Variants in ERC2 observed in about 807,000 individuals in gnomAD.
ERC2 encodes ELKS/RAB6-interacting/CAST family member 2, also known as ERC protein 2.
Under a neutral mutation model 114.8 loss-of-function variants are expected in ERC2, and 42 were observed. The observed-to-expected ratio is 0.37, with a 90% CI of 0.29 to 0.47. The LOEUF (loss-of-function observed/expected upper bound fraction) is 0.47, where lower values mean the gene tolerates loss of function less well. Ranked by LOEUF, ERC2 falls within the 20% of genes least tolerant of loss-of-function variation. ERC2 has a pLI of 0.99. For missense variants in ERC2, 939 were observed against 1,150.7 expected (o/e 0.82, Z 2.66); for synonymous variants, 454 against 425.5 (o/e 1.07, Z -0.82).
At chr3:55,632,355 C>T (rs2059790992) in intron 17 of ERC2, among the ~76,000 whole-genome samples, 1 of 152,110 alleles carries the variant, frequency 6.6e-6, no homozygotes, top group Non-Finnish European at 1.5e-5. Flanking sequence ...GCAAGGAGGC[C>T]CAGGGTACCA....
intron 4 of ERC2, among the ~76,000 whole-genome samples, chr3:56,159,472 T>C (rs1564907): frequency 0.82 from 125,121 of 152,118 alleles, 52,604 homozygotes; most frequent in South Asian, 0.95. Flanking sequence ...TACTATAAAC[T>C]TTAAAAATAC....
At chr3:56,179,664 C>A (rs1311815902) in intron 3 of ERC2, among the ~76,000 whole-genome samples, 1 of 151,502 alleles carries the variant, frequency 6.6e-6, no homozygotes, top group South Asian at 2.1e-4. Flanking sequence ...AAGAGAGAAG[C>A]AAAAGATGGC....
intron 2 of ERC2, among the ~76,000 whole-genome samples, chr3:56,367,475 C>G (rs964125606): frequency 2.0e-5 from 3 of 152,106 alleles, no homozygotes; most frequent in Non-Finnish European, 1.5e-5. Flanking sequence ...TCTCTCAACT[C>G]TTCTCTTTGT....
At chr3:55,908,166 A>C (rs4386462) in intron 13 of ERC2, among the ~76,000 whole-genome samples, 1 of 151,982 alleles carries the variant, frequency 6.6e-6, no homozygotes, top group African/African-American at 2.4e-5. Context: ...CAGGTTCTAC[A>C]TGGCCAGATC....
intron 2 of ERC2, among the ~76,000 whole-genome samples, chr3:56,433,212 G>A (rs2061873165): frequency 8.1e-6 from 1 of 123,078 alleles, no homozygotes; most frequent in African/African-American, 2.9e-5. Context: ...GAGAGAGAGA[G>A]AGCAAGAGAT....
chr3:55,738,737 AG>A (rs1199257904), intron 14 of ERC2, among the ~76,000 whole-genome samples: 1 of 152,142 alleles, frequency 6.6e-6, no homozygotes, highest in Non-Finnish European at 1.5e-5. Flanking sequence ...CACTGTCAAA[AG>A]TCATCATCAA....
At chr3:56,413,695 T>C (rs1464636793) in intron 2 of ERC2, among the ~76,000 whole-genome samples, 1 of 152,230 alleles carries the variant, frequency 6.6e-6, no homozygotes, top group Non-Finnish European at 1.5e-5. Context: ...TATGATAAGC[T>C]ATATTTTTTC....
rs1207497205 is a variant in ERC2, at chr3:56,273,657, G to A, written c.1074+22362C>T. Among the ~76,000 whole-genome samples, 4 of 151,774 alleles carry A rather than the reference G, an allele frequency of 2.6e-5. No individual in the cohort carries two copies. The East Asian group carries it at 7.7e-4, about 29-fold the overall frequency. ...ATTTTTTCTTTGGGGGTAATGATTT[G>A]TATTATTTTGCACACCAGAGTAGAA... is the stretch of plus-strand genomic sequence containing the variant. On this transcript the variant is annotated intron_variant, in intron 3 of 17. Coordinates refer to ENST00000288221, the MANE Select transcript of ERC2 (RefSeq NM_015576.3).
At chr3:55,635,761 T>C (rs571515384) in intron 17 of ERC2, among the ~76,000 whole-genome samples, 65 of 152,300 alleles carry the variant, frequency 4.3e-4, no homozygotes, top group African/African-American at 1.5e-3. Context: ...TGAAGAATCA[T>C]CTCAACCCAG....
At chr3:55,669,631 G>A (rs929197550) in intron 17 of ERC2, among the ~76,000 whole-genome samples, 1 of 152,208 alleles carries the variant, frequency 6.6e-6, no homozygotes, top group Non-Finnish European at 1.5e-5. Flanking sequence ...TAATTCCAAT[G>A]GGCTATTAAC....
At chr3:55,997,929 G>GTTTTT (rs112402531) in intron 10 of ERC2, among the ~76,000 whole-genome samples, 1 of 57,820 alleles carries the variant, frequency 1.7e-5, no homozygotes, top group Non-Finnish European at 3.2e-5. Flanking sequence ...TGTGTTTTTT[G>GTTTTT]TTTTTTTTTT....
At chr3:55,963,794 T>C (rs1202789770) in intron 12 of ERC2, among the ~76,000 whole-genome samples, 1 of 152,092 alleles carries the variant, frequency 6.6e-6, no homozygotes, top group Non-Finnish European at 1.5e-5. Context: ...ACTGTGAAAA[T>C]TGACCCCCTG....
intron 2 of ERC2, among the ~76,000 whole-genome samples, chr3:56,319,203 CATT>C (rs1342222192): frequency 6.6e-6 from 1 of 151,674 alleles, no homozygotes; most frequent in Non-Finnish European, 1.5e-5. Flanking sequence ...TTCACTGCAG[CATT>C]ATTAACAATA....
At chr3:56,299,127 T>TTTTGTTTTTTTG (rs2055677378) in intron 2 of ERC2, among the ~76,000 whole-genome samples, 1 of 110,826 alleles carries the variant, frequency 9.0e-6, no homozygotes. Flanking sequence ...TTGTTTTTTT[T>TTTTGTTTTTTTG]TTTGTTTGTT....
intron 10 of ERC2, 60 bp downstream of exon 10, chr3:56,007,121 G>A: frequency 6.8e-7 from 1 of 1,462,860 alleles, no homozygotes. Flanking sequence ...GTCTCTTCCT[G>A]TTCCATTTTA....
chr3:55,612,701 C>T (rs1167619439), intron 17 of ERC2: 1 of 151,896 alleles, frequency 6.6e-6, no homozygotes, highest in African/African-American at 2.4e-5. Flanking sequence ...CCAGTTTTTC[C>T]GAGGCAAAAT....
chr3:55,984,291 G>GAA (rs113812148), intron 12 of ERC2, among the ~76,000 whole-genome samples: 3 of 146,416 alleles, frequency 2.0e-5, no homozygotes, highest in African/African-American at 7.5e-5. Context: ...CATGAAATAG[G>GAA]AAAAAAAAAA....
intron 2 of ERC2, among the ~76,000 whole-genome samples, chr3:56,414,935 A>G (rs2061091723): frequency 6.6e-6 from 1 of 152,218 alleles, no homozygotes; most frequent in Non-Finnish European, 1.5e-5. Context: ...CAAGGGGTGG[A>G]CCAGAGGAAC....
chr3:55,678,304 T>G (rs1438859088), intron 17 of ERC2, among the ~76,000 whole-genome samples: 1 of 152,122 alleles, frequency 6.6e-6, no homozygotes, highest in African/African-American at 2.4e-5. Context: ...ATAATATACT[T>G]AGAATTTCAA....
Sources: gnomAD v4.1 joint callset for allele counts (sites outside exome capture counted in the v4.1 genomes callset) on GRCh38, gnomAD v4.1.1 for gene constraint, MANE v1.5 for transcripts, NCBI Gene and HGNC (gene_info 2026-07-23, HGNC 2026-07-21) for gene names.